Variants in SEMA3C observed in about 807,000 individuals in gnomAD.
SEMA3C encodes the protein semaphorin 3C.
A neutral mutation model predicts 89.4 loss-of-function variants in SEMA3C; 47 were observed. The observed-to-expected ratio is 0.53, with a 90% CI of 0.42 to 0.67. The LOEUF (loss-of-function observed/expected upper bound fraction) is 0.67. Ranked by LOEUF, SEMA3C falls within the 30% of genes least tolerant of loss-of-function variation. The pLI, the probability that SEMA3C is intolerant of heterozygous loss-of-function variation, is 0.00. For synonymous variants in SEMA3C, 310 were observed against 320.2 expected (o/e 0.97, Z 0.34); for missense variants, 839 against 929.1 (o/e 0.90, Z 1.26).
intron 12 of SEMA3C, among the ~76,000 whole-genome samples, chr7:80,776,622 A>G (rs532183645): frequency 6.6e-6 from 1 of 152,346 alleles, no homozygotes; most frequent in African/African-American, 2.4e-5. Flanking sequence ...TATACACACC[A>G]GTGCTTTACT....
chr7:80,902,895 T>C (rs1377480676), intron 2 of SEMA3C, among the ~76,000 whole-genome samples: 1 of 152,132 alleles, frequency 6.6e-6, no homozygotes, highest in African/African-American at 2.4e-5. Flanking sequence ...ACAGCAGGAT[T>C]ATAGTACAAA....
At chr7:80,805,799 G>A in intron 6 of SEMA3C, 41 bp from the exon 7 acceptor site, 1 of 1,496,400 alleles carries the variant, frequency 6.7e-7, no homozygotes, top group Admixed American at 1.8e-5. Context: ...AATTTTTAAA[G>A]CTATTTTGAA....
At chr7:80,868,291 A>G (rs1038410746) in intron 2 of SEMA3C, among the ~76,000 whole-genome samples, 2 of 152,164 alleles carry the variant, frequency 1.3e-5, no homozygotes, top group Non-Finnish European at 2.9e-5. Context: ...TTTCTGAGAC[A>G]AGATCTTACT....
At chr7:80,847,162 T>A (rs577178190) in intron 2 of SEMA3C, 1 of 152,306 alleles carries the variant, frequency 6.6e-6, no homozygotes, top group South Asian at 2.1e-4. Flanking sequence ...GACCTTCAAT[T>A]TTCTACCCAG....
intron 2 of SEMA3C, among the ~76,000 whole-genome samples, chr7:80,829,341 T>A (rs187882473): frequency 6.6e-6 from 1 of 152,112 alleles, no homozygotes; most frequent in Non-Finnish European, 1.5e-5. Flanking sequence ...CAAAACAAGT[T>A]AAAATAAATA....
At chr7:80,835,532 C>T (rs938014961) in intron 2 of SEMA3C, among the ~76,000 whole-genome samples, 4 of 152,066 alleles carry the variant, frequency 2.6e-5, no homozygotes, top group African/African-American at 7.2e-5. Context: ...GACCCATCCT[C>T]TCCCTGAGGC....
chr7:80,914,731 C>A (rs1792229856), intron 2 of SEMA3C, among the ~76,000 whole-genome samples: 1 of 152,144 alleles, frequency 6.6e-6, no homozygotes, highest in Non-Finnish European at 1.5e-5. Flanking sequence ...CAACTCATGT[C>A]ATATTCTACA....
intron 2 of SEMA3C, among the ~76,000 whole-genome samples, chr7:80,886,996 A>G (rs1791498564): frequency 6.6e-6 from 1 of 152,144 alleles, no homozygotes; most frequent in Admixed American, 6.5e-5. Context: ...GTTTGTATAA[A>G]ATCATTAATA....
intron 2 of SEMA3C, among the ~76,000 whole-genome samples, chr7:80,854,739 C>A (rs1225142467): frequency 6.6e-6 from 1 of 152,174 alleles, no homozygotes; most frequent in Non-Finnish European, 1.5e-5. Context: ...TAGCTTATGA[C>A]TAATACCTAA....
At chr7:80,817,274 T>C (rs1789630743) in intron 5 of SEMA3C, among the ~76,000 whole-genome samples, 2 of 152,166 alleles carry the variant, frequency 1.3e-5, no homozygotes, top group African/African-American at 4.8e-5. Flanking sequence ...AAAAAAACAT[T>C]GTTCAGTCAT....
At chr7:80,772,102 T>C (rs1788446858) in intron 12 of SEMA3C, among the ~76,000 whole-genome samples, 1 of 152,200 alleles carries the variant, frequency 6.6e-6, no homozygotes, top group Admixed American at 6.5e-5. Context: ...CTGCAAAATA[T>C]TTGCTTGGCA....
chr7:80,773,869 C>T (rs12671126), intron 12 of SEMA3C, among the ~76,000 whole-genome samples: 29,338 of 152,084 alleles, frequency 0.19, 3,149 homozygotes, highest in East Asian at 0.44. Flanking sequence ...AGTTGCTACT[C>T]GCAAAAACTG....
chr7:80,872,530 G>C (rs190410701), intron 2 of SEMA3C, among the ~76,000 whole-genome samples: 16 of 152,058 alleles, frequency 1.1e-4, no homozygotes, highest in Admixed American at 5.2e-4. Flanking sequence ...TCGGCCGGGC[G>C]TGGTGGCTTA....
intron 2 of SEMA3C, among the ~76,000 whole-genome samples, chr7:80,843,463 G>C (rs1380182984): frequency 6.6e-6 from 1 of 152,120 alleles, no homozygotes; most frequent in African/African-American, 2.4e-5. Flanking sequence ...CACTGCATCT[G>C]ACTAGCTGTG....
chr7:80,767,863 T>A (rs1788339130), intron 12 of SEMA3C, among the ~76,000 whole-genome samples: 1 of 152,200 alleles, frequency 6.6e-6, no homozygotes, highest in African/African-American at 2.4e-5. Flanking sequence ...TAAAAGATTT[T>A]ATCTCATGTT....
At chr7:80,785,978 T>C (rs1251806855) in intron 12 of SEMA3C, among the ~76,000 whole-genome samples, 1 of 152,146 alleles carries the variant, frequency 6.6e-6, no homozygotes, top group Non-Finnish European at 1.5e-5. Flanking sequence ...GTTTAAAAAT[T>C]ATAATGCAGC....
At chr7:80,860,263 C>A (rs1186300572) in intron 2 of SEMA3C, among the ~76,000 whole-genome samples, 1 of 152,022 alleles carries the variant, frequency 6.6e-6, no homozygotes, top group East Asian at 1.9e-4. Context: ...AATTTATAAT[C>A]ATAAAAATAT....
chr7:80,824,653 TC>T, intron 4 of SEMA3C, among the ~76,000 whole-genome samples: 1 of 152,302 alleles, frequency 6.6e-6, no homozygotes, highest in East Asian at 1.9e-4. Flanking sequence ...TTTATCATTT[TC>T]TCTCTGGAGG....
At chr7:80,803,252 A>G (rs975397377) in intron 8 of SEMA3C, among the ~76,000 whole-genome samples, 5 of 152,118 alleles carry the variant, frequency 3.3e-5, no homozygotes, top group African/African-American at 9.7e-5. Flanking sequence ...ATTATCACAT[A>G]ATTTTCAGTA....
Sources: allele counts gnomAD v4.1 joint callset (sites outside exome capture counted in the v4.1 genomes callset), GRCh38; gene constraint gnomAD v4.1.1; transcripts MANE v1.5; gene names NCBI Gene and HGNC (gene_info 2026-07-23, HGNC 2026-07-21).